Variants in SIN3A observed in about 807,000 individuals in gnomAD.
SIN3A encodes SIN3 transcription regulator family member A.
A neutral mutation model predicts 146.1 loss-of-function variants in SIN3A; 14 were observed. The observed-to-expected ratio is 0.10, with a 90% CI of 0.06 to 0.15. SIN3A has a LOEUF of 0.15. SIN3A is among the 10% of genes least tolerant of loss of function. SIN3A has a pLI of 1.00. For synonymous variants in SIN3A, 572 were observed against 572.0 expected, an observed-to-expected ratio of 1.00 and a Z score of 0.00; for missense variants, 1,028 against 1,576.0, an observed-to-expected ratio of 0.65 and a Z score of 5.89.
At chr15:75,439,175 C>A (rs1398124884) in intron 1 of SIN3A, among the ~76,000 whole-genome samples, 1 of 152,012 alleles carries the variant, frequency 6.6e-6, no homozygotes, top group Non-Finnish European at 1.5e-5. Flanking sequence ...TGTCACAACT[C>A]GGGAAGATGG....
intron 1 of SIN3A, among the ~76,000 whole-genome samples, chr15:75,431,283 A>G (rs997310541): frequency 6.6e-6 from 1 of 152,228 alleles, no homozygotes; most frequent in Admixed American, 6.5e-5. Flanking sequence ...CAACTATAAA[A>G]TAAGAAAAGT....
chr15:75,381,883 C>CA (rs772360101), intron 17 of SIN3A, among the ~76,000 whole-genome samples, 178 bp from the exon 18 acceptor site: 1 of 152,030 alleles, frequency 6.6e-6, no homozygotes, highest in Admixed American at 6.6e-5. Context: ...ACACTTACTA[C>CA]AAGTAAAATG....
intron 17 of SIN3A, chr15:75,384,053 GT>G (rs1051932434): frequency 0.015 from 4,033 of 276,384 alleles, 1 homozygote; most frequent in East Asian, 0.019. Context: ...TATATAACTA[GT>G]TTTTTTTTTT....
rs376641155 is a variant in SIN3A at position 75,412,967 on chromosome 15, G to A, written c.552C>T (p.Thr184=). 1.9e-6 allele frequency: 3 copies of A among 1,614,098 alleles called. No individual in the cohort carries two copies. The African/African-American group carries it at 4.0e-5, about 22-fold the overall frequency. The change falls in exon 5 of 21, where the codon ACC becomes ACT. Residue 184 remains threonine, a synonymous_variant. Transcript: ENST00000394947. The part of the protein sequence containing the change: ...GHPDLIMGFN[T]FLPPGYKIEV... ...CAATTTTGTAGCCAGGGGGCAAGAA[G>A]GTGTTGAATCCCATTATCAGATCGG...
intron 3 of SIN3A, chr15:75,415,505 G>A (rs182464147): frequency 1.8e-4 from 38 of 206,576 alleles, no homozygotes; most frequent in Non-Finnish European, 1.4e-4. Context: ...ACCCAGAGAA[G>A]ATCCGCAAGG....
intron 14 of SIN3A, among the ~76,000 whole-genome samples, chr15:75,394,106 C>CTG (rs1467346482): frequency 6.6e-6 from 1 of 152,154 alleles, no homozygotes; most frequent in Non-Finnish European, 1.5e-5. Flanking sequence ...CTGTGCCCGG[C>CTG]CTGATTAAGT....
At chr15:75,454,006 C>G (rs2074450278), upstream of SIN3A, 4 of 152,328 alleles carry the variant, frequency 2.6e-5, no homozygotes, top group South Asian at 2.1e-4. Context: ...ATGTGCGGAG[C>G]GCGCTCAAGA....
At chr15:75,429,432 G>GA (rs540249888) in intron 2 of SIN3A, among the ~76,000 whole-genome samples, 81 of 152,180 alleles carry the variant, frequency 5.3e-4, no homozygotes, top group African/African-American at 1.8e-3. Flanking sequence ...CCTAAAAAAA[G>GA]AAAAAGGAAA....
intron 19 of SIN3A, among the ~76,000 whole-genome samples, chr15:75,377,015 T>G (rs950614237): frequency 6.6e-6 from 1 of 152,136 alleles, no homozygotes; most frequent in Non-Finnish European, 1.5e-5. Context: ...CTCATAATAA[T>G]ACTAAAACAT....
chr15:75,433,603 G>T (rs920134073), intron 1 of SIN3A, among the ~76,000 whole-genome samples: 2 of 151,806 alleles, frequency 1.3e-5, no homozygotes, highest in Non-Finnish European at 2.9e-5. Context: ...GAGATCAGGA[G>T]ATCGAGACCA....
intron 9 of SIN3A, among the ~76,000 whole-genome samples, chr15:75,406,579 C>T (rs1386754652): frequency 1.3e-5 from 2 of 152,006 alleles, no homozygotes; most frequent in South Asian, 2.1e-4. Context: ...CCTAGCTACT[C>T]GGGAGGCTGA....
intron 3 of SIN3A, 198 bp downstream of exon 3, chr15:75,422,449 A>G: frequency 1.5e-6 from 1 of 646,790 alleles, no homozygotes; most frequent in Non-Finnish European, 2.8e-6. Context: ...CAAACATTTG[A>G]GTATATTCTT....
intron 3 of SIN3A, 104 bp downstream of exon 3, chr15:75,422,543 T>G (rs377728829): frequency 1.6e-6 from 2 of 1,258,618 alleles, no homozygotes; most frequent in South Asian, 2.4e-5. Flanking sequence ...ATTCGACAGC[T>G]AGTATCTCAG....
At chr15:75,440,848 G>A (rs566701971) in intron 1 of SIN3A, among the ~76,000 whole-genome samples, 1 of 152,106 alleles carries the variant, frequency 6.6e-6, no homozygotes, top group Admixed American at 6.5e-5. Flanking sequence ...CAGGCGTGGT[G>A]GCAGGCGCCT....
In SIN3A at chr15:75,369,846, A is replaced by G. The variant is rs943029775; in HGVS notation, c.*2133T>C. 2.0e-5 allele frequency: 3 copies of G among 152,202 alleles called. No homozygotes were observed. The highest frequency in any genetic ancestry group is 4.4e-5 in the Non-Finnish European group (3 of 68,048). 9.4% of individuals were successfully genotyped at this position (152,202 alleles called of 1,614,324 possible). On this transcript the variant is annotated 3_prime_UTR_variant, in exon 21 of 21. Coordinates refer to ENST00000394947, the MANE Select transcript of SIN3A (RefSeq NM_001145358.2). ...AGATCTTTCCCCTAAATCAGTACAC[A>G]TGACCACCGCCAAGTCAGACACTGC...
At chr15:75,389,996 A>G (rs1165667941) in intron 15 of SIN3A, among the ~76,000 whole-genome samples, 175 bp from the exon 16 acceptor site, 1 of 152,250 alleles carries the variant, frequency 6.6e-6, no homozygotes, top group Non-Finnish European at 1.5e-5. Context: ...AGGTGACTAC[A>G]ATCACCAGCA....
At chr15:75,402,453 C>T (rs1033792192) in intron 9 of SIN3A, among the ~76,000 whole-genome samples, 4 of 151,724 alleles carry the variant, frequency 2.6e-5, no homozygotes, top group African/African-American at 4.8e-5. Flanking sequence ...TGGAGGCAGA[C>T]GTTGCAGTGA....
Position 75,398,524 on chromosome 15 carries a change from A to C in SIN3A, c.1854+1516T>G, listed in dbSNP as rs142508248. 7.8e-3 allele frequency among the ~76,000 whole-genome samples: 1,183 copies of C among 152,112 alleles called. 18 individuals carry two copies. The highest frequency in any genetic ancestry group is 0.026 in the African/African-American group (1,085 of 41,450). On this transcript the variant is annotated intron_variant, in intron 12 of 20. Coordinates refer to ENST00000394947, the MANE Select transcript of SIN3A (RefSeq NM_001145358.2). ...AACCCATCTCCACTAAAAATACAAA[A>C]AAAATTAGCCGGGTGTAGCGGCATA...
At chr15:75,421,545 C>A (rs893263558) in intron 3 of SIN3A, 2 of 152,088 alleles carry the variant, frequency 1.3e-5, no homozygotes, top group African/African-American at 4.8e-5. Context: ...GAATCCACAC[C>A]AACGAGGGCA....
Sources: allele counts gnomAD v4.1 joint callset (sites outside exome capture counted in the v4.1 genomes callset), GRCh38; gene constraint gnomAD v4.1.1; transcripts MANE v1.5; gene names NCBI Gene and HGNC (gene_info 2026-07-23, HGNC 2026-07-21).